GNB1L: variants seen among roughly 807,000 people sequenced by gnomAD.
GNB1L encodes the protein G protein subunit beta 1 like.
GNB1L carries 20 observed loss-of-function variants against 29.1 expected under a neutral mutation model. That is an observed-to-expected ratio of 0.69 (90% CI 0.48 to 1.00). The LOEUF (loss-of-function observed/expected upper bound fraction) is 1.00, where lower values mean the gene tolerates loss of function less well. GNB1L is among the 50% of genes least tolerant of loss of function. The pLI, the probability that GNB1L is intolerant of heterozygous loss-of-function variation, is 0.00. For missense variants in GNB1L, 421 were observed against 464.9 expected (o/e 0.91, Z 0.87); for synonymous variants, 193 against 206.5 (o/e 0.93, Z 0.56).
Position 19,812,371 on chromosome 22 carries a change from C to G in GNB1L, c.331G>C (p.Glu111Gln). The change falls in exon 5 of 8, where the codon GAG becomes CAG. Residue 111 changes from glutamate (E) to glutamine (Q), a missense_variant. Physicochemically the swap from Glu to Gln is conservative, Grantham distance 29. Coordinates refer to ENST00000329517, the MANE Select transcript of GNB1L (RefSeq NM_053004.3). Reference protein sequence around the residue: ...RSAVVDSVCLESVGFCRSSIL... With the variant: ...RSAVVDSVCLQSVGFCRSSIL... ...CTGCTCCGGCAGAAGCCCACACTCT[C>G]CAAGCACACGGAGTCCACGACAGCG... 1.2e-6 allele frequency: 2 copies of G among 1,613,412 alleles called. No homozygotes were observed. The highest frequency in any genetic ancestry group is 1.7e-6 in the Non-Finnish European group (2 of 1,179,992).
rs772013591 is a variant in GNB1L at position 19,851,947 on chromosome 22, G to T, written c.-21+2496C>A. ...GTAGCCACGGGGAGCCATCAAAGGT[G>T]CCTGGGTCTGAGCCTGGTACCCAGC... On this transcript the variant is annotated intron_variant, in intron 2 of 7. Coordinates refer to ENST00000329517, the MANE Select transcript of GNB1L (RefSeq NM_053004.3). The T allele has an allele frequency of 1.7e-5, 27 of 1,614,008 alleles. No homozygotes were observed. In the East Asian group the frequency reaches 3.8e-4, roughly 23 times the overall value.
At chr22:19,818,783 C>T (rs1040825794) in intron 4 of GNB1L, among the ~76,000 whole-genome samples, 3 of 152,196 alleles carry the variant, frequency 2.0e-5, no homozygotes, top group Non-Finnish European at 4.4e-5. Flanking sequence ...CAGCAGCAGG[C>T]CCGTGCTCAG....
Position 19,821,341 on chromosome 22 carries a change from G to A in GNB1L, c.15C>T (p.Cys5=). The A allele has an allele frequency of 6.2e-7, 1 of 1,612,536 alleles. No individual in the cohort carries two copies. The change falls in exon 3 of 8, where the codon TGC becomes TGT. Residue 5 remains cysteine, a synonymous_variant. Coordinates refer to ENST00000329517, the MANE Select transcript of GNB1L (RefSeq NM_053004.3). ...ACTGGGGGTCTGGAGGTGGCGGCGG[G>A]CAGGGGGCCGTCATGCTGGGCAGGA... MTAP[C]PPPPPDPQFV...
At chr22:19,815,778 C>T (rs1360386425) in intron 4 of GNB1L, among the ~76,000 whole-genome samples, 2 of 152,120 alleles carry the variant, frequency 1.3e-5, no homozygotes, top group East Asian at 3.9e-4. Context: ...GACGAGATTT[C>T]ACCATGTTTC....
At chr22:19,800,577 G>C (rs1937357642) in intron 7 of GNB1L, among the ~76,000 whole-genome samples, 2 of 152,172 alleles carry the variant, frequency 1.3e-5, no homozygotes, top group African/African-American at 4.8e-5. Context: ...CTCAGAACGG[G>C]CATCATGATG....
intron 7 of GNB1L, among the ~76,000 whole-genome samples, chr22:19,795,610 C>T (rs928528339): frequency 7.2e-5 from 11 of 152,194 alleles, no homozygotes; most frequent in Admixed American, 2.0e-4. Context: ...ACAAAATCAA[C>T]GAATATTTGG....
At chr22:19,809,008 T>C (rs1243930412) in intron 5 of GNB1L, among the ~76,000 whole-genome samples, 2 of 151,686 alleles carry the variant, frequency 1.3e-5, no homozygotes, top group Non-Finnish European at 2.9e-5. Flanking sequence ...GGCAGGGAAG[T>C]GCTAGGAAGG....
chr22:19,854,033 C>T (rs1938175646), intron 2 of GNB1L, among the ~76,000 whole-genome samples: 1 of 152,196 alleles, frequency 6.6e-6, no homozygotes, highest in Admixed American at 6.5e-5. Context: ...AGAAGGCTTC[C>T]CTGCACCAGC....
intron 2 of GNB1L, among the ~76,000 whole-genome samples, chr22:19,821,712 T>C: frequency 6.6e-6 from 1 of 152,196 alleles, no homozygotes; most frequent in Middle Eastern, 3.2e-3. Flanking sequence ...GGGCCCCACC[T>C]GAGCCATCCC....
At chr22:19,814,746 C>T (rs910273651) in intron 4 of GNB1L, among the ~76,000 whole-genome samples, 4 of 152,094 alleles carry the variant, frequency 2.6e-5, no homozygotes, top group Admixed American at 1.3e-4. Flanking sequence ...AACATCTGGG[C>T]GGTAACTCTT....
Position 19,805,960 on chromosome 22 carries a change from G to A in GNB1L, c.516+699C>T, listed in dbSNP as rs561875165. ...TGCAGCCCTGGACATGAGCGGCCCC[G>A]AGGAGGGCAGCTACACCTTGAGCCA... On this transcript the variant is annotated intron_variant, in intron 6 of 7. Transcript: ENST00000329517. Among the ~76,000 whole-genome samples the A allele has an allele frequency of 2.3e-3, 355 of 152,250 alleles. 1 individual carries two copies. The highest frequency in any genetic ancestry group is 7.9e-3 in the African/African-American group (327 of 41,554).
intron 2 of GNB1L, among the ~76,000 whole-genome samples, chr22:19,825,919 C>A (rs772322753): frequency 6.6e-6 from 1 of 152,166 alleles, no homozygotes; most frequent in African/African-American, 2.4e-5. Flanking sequence ...AATCACACCA[C>A]GGCACTCCAG....
At chr22:19,837,111 C>T (rs543832643) in intron 2 of GNB1L, among the ~76,000 whole-genome samples, 17 of 152,126 alleles carry the variant, frequency 1.1e-4, no homozygotes, top group African/African-American at 3.1e-4. Flanking sequence ...GGACTACAGG[C>T]GCCCACCACC....
intron 2 of GNB1L, chr22:19,848,033 A>G (rs370925254): frequency 9.1e-6 from 9 of 985,326 alleles, no homozygotes; most frequent in East Asian, 2.3e-4. Flanking sequence ...CCCGTTTCAA[A>G]GTCCTCTATT....
chr22:19,832,284 T>C (rs989813568), intron 2 of GNB1L, among the ~76,000 whole-genome samples: 6 of 152,248 alleles, frequency 3.9e-5, no homozygotes, highest in South Asian at 4.1e-4. Flanking sequence ...GAGCTGTGAT[T>C]GTGCCACTGC....
At chr22:19,852,212 G>A in intron 2 of GNB1L, 10 of 1,613,426 alleles carry the variant, frequency 6.2e-6, no homozygotes, top group Non-Finnish European at 8.5e-6. Flanking sequence ...ATTGGCGGCT[G>A]CCCAGATGGG....
intron 7 of GNB1L, among the ~76,000 whole-genome samples, chr22:19,790,890 T>C (rs1038625816): frequency 2.0e-5 from 3 of 152,044 alleles, no homozygotes; most frequent in African/African-American, 7.2e-5. Context: ...ATAGGAACAT[T>C]TGAATTCAGG....
intron 3 of GNB1L, 52 bp downstream of exon 3, chr22:19,821,176 G>A (rs1453235512): frequency 1.3e-5 from 21 of 1,555,988 alleles, no homozygotes; most frequent in African/African-American, 2.7e-5. Context: ...GCTAGCTCAC[G>A]ACCTCCTGAC....
intron 7 of GNB1L, among the ~76,000 whole-genome samples, chr22:19,795,777 G>A (rs1424758320): frequency 1.3e-5 from 2 of 152,228 alleles, no homozygotes; most frequent in African/African-American, 4.8e-5. Context: ...CAGCAGCCCA[G>A]GGAGGTGGCA....
Sources: gnomAD v4.1 joint callset for allele counts (sites outside exome capture counted in the v4.1 genomes callset) on GRCh38, gnomAD v4.1.1 for gene constraint, MANE v1.5 for transcripts, NCBI Gene and HGNC (gene_info 2026-07-23, HGNC 2026-07-21) for gene names.